UHRF1: variants seen among roughly 807,000 people sequenced by gnomAD.
UHRF1 encodes the protein E3 ubiquitin-protein ligase UHRF1.
In UHRF1, 9 loss-of-function variants were observed where a neutral mutation model predicts 96.5. The observed-to-expected ratio is 0.09, with a 90% CI of 0.06 to 0.16. UHRF1 has a LOEUF of 0.16. Ranked by LOEUF, UHRF1 falls within the 10% of genes least tolerant of loss-of-function variation. The pLI, the probability that UHRF1 is intolerant of heterozygous loss-of-function variation, is 1.00. For missense variants in UHRF1, 626 were observed against 1,131.1 expected, an observed-to-expected ratio of 0.55 and a Z score of 6.40; for synonymous variants, 455 against 469.9, an observed-to-expected ratio of 0.97 and a Z score of 0.41.
rs1021659733 is a variant in UHRF1, at chr19:4,932,576, G to C, written c.570-165G>C. 44 of 695,794 alleles carry C rather than the reference G, an allele frequency of 6.3e-5. No homozygotes were observed. In the Admixed American group the frequency reaches 1.1e-3, roughly 17 times the overall value. 43.1% of individuals were successfully genotyped at this position (695,794 alleles called of 1,614,324 possible). On this transcript the variant is annotated intron_variant, in intron 4 of 16. Coordinates refer to ENST00000650932, the MANE Select transcript of UHRF1 (RefSeq NM_001048201.3). Reference sequence around the variant, plus strand: ...GCAACCCATAACAATTTTGTACCTGGAATGTGCCTTAATATACCTGTGTGT... The same window carrying C: ...GCAACCCATAACAATTTTGTACCTGCAATGTGCCTTAATATACCTGTGTGT...
At chr19:4,925,221 C>T (rs1263947687) in intron 2 of UHRF1, among the ~76,000 whole-genome samples, 1 of 152,212 alleles carries the variant, frequency 6.6e-6, no homozygotes, top group Non-Finnish European at 1.5e-5. Context: ...GTAATCATCA[C>T]TGCAGTCTAT....
intron 5 of UHRF1, among the ~76,000 whole-genome samples, chr19:4,938,965 G>T (rs1481079113): frequency 6.6e-6 from 1 of 151,484 alleles, no homozygotes; most frequent in Non-Finnish European, 1.5e-5. Context: ...CCATGGTGGA[G>T]TGCAGTGGCA....
chr19:4,944,491 C>T (rs759706771), intron 9 of UHRF1, 41 bp downstream of exon 9: 1 of 1,607,370 alleles, frequency 6.2e-7, no homozygotes, highest in East Asian at 2.2e-5. Flanking sequence ...CACGCGGGCT[C>T]ATCCTGCTTT....
At chr19:4,910,755 G>A in intron 1 of UHRF1, 121 bp from the exon 2 acceptor site, 2 of 1,242,170 alleles carry the variant, frequency 1.6e-6, no homozygotes, top group Non-Finnish European at 2.2e-6. Context: ...GACTGGAAGG[G>A]CATCCTGGGA....
At chr19:4,915,972 A>T (rs1434411153) in intron 2 of UHRF1, among the ~76,000 whole-genome samples, 1 of 152,162 alleles carries the variant, frequency 6.6e-6, no homozygotes, top group Non-Finnish European at 1.5e-5. Context: ...CAATAGCCCC[A>T]GGAGCCTGTG....
At chr19:4,940,110 T>C (rs551486948) in intron 5 of UHRF1, among the ~76,000 whole-genome samples, 1 of 152,192 alleles carries the variant, frequency 6.6e-6, no homozygotes, top group South Asian at 2.1e-4. Context: ...TTCATATTCA[T>C]TCCATGTTGA....
At chr19:4,921,608 T>C (rs1399133289) in intron 2 of UHRF1, among the ~76,000 whole-genome samples, 2 of 151,966 alleles carry the variant, frequency 1.3e-5, no homozygotes, top group Admixed American at 6.6e-5. Flanking sequence ...TACAAAAAAC[T>C]TTCTGGACGT....
upstream of UHRF1, among the ~76,000 whole-genome samples, chr19:4,909,001 G>C (rs1372737441): frequency 6.6e-6 from 1 of 152,164 alleles, no homozygotes; most frequent in Non-Finnish European, 1.5e-5. Flanking sequence ...CAAGCCCTGC[G>C]GGTGGGTAGA....
At chr19:4,933,275 G>C (rs1252485368) in intron 5 of UHRF1, among the ~76,000 whole-genome samples, 2 of 152,140 alleles carry the variant, frequency 1.3e-5, no homozygotes, top group Non-Finnish European at 2.9e-5. Context: ...GAGTGCAGTG[G>C]TTCGATCTCG....
intron 6 of UHRF1, 32 bp downstream of exon 6, chr19:4,941,660 C>T (rs747654761): frequency 2.5e-5 from 40 of 1,600,582 alleles, no homozygotes; most frequent in East Asian, 9.1e-5. Flanking sequence ...CCCCATCTTC[C>T]GCGGTGGGCA....
intron 16 of UHRF1, among the ~76,000 whole-genome samples, chr19:4,958,241 T>C (rs187142667): frequency 2.0e-5 from 3 of 152,332 alleles, no homozygotes; most frequent in Non-Finnish European, 4.4e-5. Flanking sequence ...TCTTTGGGGC[T>C]GGTGGTCCGG....
intron 5 of UHRF1, among the ~76,000 whole-genome samples, chr19:4,937,236 T>C (rs547901033): frequency 6.6e-6 from 1 of 152,074 alleles, no homozygotes; most frequent in African/African-American, 2.4e-5. Context: ...AGTTACCGCA[T>C]ATCAGTAGCT....
intron 13 of UHRF1, among the ~76,000 whole-genome samples, chr19:4,951,448 C>T (rs2033715364): frequency 6.6e-6 from 1 of 152,100 alleles, no homozygotes; most frequent in Admixed American, 6.6e-5. Flanking sequence ...CGTCTCGGGC[C>T]CATGCTTCCC....
chr19:4,944,177 G>A lies in UHRF1; in HGVS notation c.1119G>A (p.Ala373=), dbSNP rs368058216. The A allele has an allele frequency of 9.1e-5, 146 of 1,613,232 alleles. No homozygotes were observed. The highest frequency in any genetic ancestry group is 1.1e-4 in the Non-Finnish European group (130 of 1,179,606). ...CRNDASEVVL[A]GERLRESKKK... ...ATGATGCCAGCGAGGTGGTACTGGCGGGAGAGCGGCTGAGAGAGAGCAAGA... is the reference window on the plus strand; with the variant it reads ...ATGATGCCAGCGAGGTGGTACTGGCAGGAGAGCGGCTGAGAGAGAGCAAGA... Residue 373 remains alanine (A), a synonymous_variant, in exon 8 of 17, where the codon GCG becomes GCA. Coordinates refer to ENST00000650932, the MANE Select transcript of UHRF1 (RefSeq NM_001048201.3).
In UHRF1 at chr19:4,941,939, C is replaced by T. The variant is rs533693955; in HGVS notation, c.1073+8C>T. Reference sequence around the variant, plus strand: ...TCCCAGCGAGGACGAGTGGTGAGTGCGGCCCTGCCCGCCGCGGGGAGACCA... The same window carrying T: ...TCCCAGCGAGGACGAGTGGTGAGTGTGGCCCTGCCCGCCGCGGGGAGACCA... On this transcript the variant is annotated splice_region_variant and intron_variant, in intron 7 of 16. Coordinates refer to ENST00000650932, the MANE Select transcript of UHRF1 (RefSeq NM_001048201.3). 227 of 1,487,154 alleles carry T rather than the reference C, an allele frequency of 1.5e-4. 2 individuals are homozygous for T. In the East Asian group the frequency reaches 4.7e-3, roughly 31 times the overall value. 92.1% of individuals were successfully genotyped at this position (1,487,154 alleles called of 1,614,324 possible).
intron 2 of UHRF1, among the ~76,000 whole-genome samples, chr19:4,923,401 T>C (rs2146313813): frequency 6.6e-6 from 1 of 151,858 alleles, no homozygotes; most frequent in African/African-American, 2.4e-5. Flanking sequence ...CTCCGACCTG[T>C]CCTCCGTCTT....
chr19:4,949,726 G>A (rs1003629441), intron 11 of UHRF1, among the ~76,000 whole-genome samples: 5 of 152,080 alleles, frequency 3.3e-5, no homozygotes, highest in African/African-American at 1.2e-4. Context: ...TATAGTCCCA[G>A]CTTGGGAGCC....
chr19:4,936,418 G>A (rs998270467), intron 5 of UHRF1, among the ~76,000 whole-genome samples: 1 of 152,106 alleles, frequency 6.6e-6, no homozygotes, highest in African/African-American at 2.4e-5. Flanking sequence ...GAGACAACAC[G>A]CGAGGATGGG....
At position 4,938,730 on chromosome 19, in the gene UHRF1, G is replaced by GTTTTTTTTTTTTTTTTTTT. The variant is rs71170880; in HGVS notation, c.786-2785_786-2767dup. On this transcript the variant is annotated intron_variant, in intron 5 of 16. Coordinates refer to ENST00000650932, the MANE Select transcript of UHRF1 (RefSeq NM_001048201.3). ...GGCATAAGAGTTTTGTTTTGGTCAG[G>GTTTTTTTTTTTTTTTTTTT]TTTTTTTTTTTTTTTTTTTTTTTTT... 8.9e-4 allele frequency among the ~76,000 whole-genome samples: 55 copies of GTTTTTTTTTTTTTTTTTTT among 61,588 alleles called. 4 individuals carry two copies. The highest frequency in any genetic ancestry group is 1.8e-3 in the African/African-American group (25 of 14,070). The allele number at this position is 61,588 out of a possible 152,430, so 40.4% of individuals were successfully genotyped here. A position where few individuals can be genotyped will look rare whatever the true frequency, so the allele number is the denominator to read the frequency against.
Sources: allele counts gnomAD v4.1 joint callset (sites outside exome capture counted in the v4.1 genomes callset), GRCh38; gene constraint gnomAD v4.1.1; transcripts MANE v1.5; gene names NCBI Gene and HGNC (gene_info 2026-07-23, HGNC 2026-07-21).